The following MYO1B variants were observed in gnomAD, a reference collection of about 807,000 sequenced individuals.
MYO1B encodes myosin IB.
MYO1B carries 72 observed loss-of-function variants against 159.7 expected under a neutral mutation model. That is an observed-to-expected ratio of 0.45 (90% confidence interval 0.37 to 0.55). MYO1B has a LOEUF of 0.55. Ranked by LOEUF, MYO1B falls within the 20% of genes least tolerant of loss-of-function variation. The pLI, the probability that MYO1B is intolerant of heterozygous loss-of-function variation, is 0.00. For missense variants in MYO1B, 1,062 were observed against 1,364.8 expected (o/e 0.78, Z 3.50); for synonymous variants, 468 against 473.8 (o/e 0.99, Z 0.16).
chr2:191,264,931 G>T (rs115553436), intron 1 of MYO1B, among the ~76,000 whole-genome samples: 2,749 of 152,066 alleles, frequency 0.018, 39 homozygotes, highest in Middle Eastern at 0.034. Context: ...GGAAACTGAG[G>T]CTTGAAGGTG....
At chr2:191,328,511 T>C (rs371602383) in intron 3 of MYO1B, among the ~76,000 whole-genome samples, 1 of 152,244 alleles carries the variant, frequency 6.6e-6, no homozygotes, top group African/African-American at 2.4e-5. Context: ...AGTTATGCCT[T>C]TGCTTTGTGC....
At chr2:191,336,490 A>G (rs534896430) in intron 4 of MYO1B, among the ~76,000 whole-genome samples, 1 of 152,306 alleles carries the variant, frequency 6.6e-6, no homozygotes, top group South Asian at 2.1e-4. Flanking sequence ...TGTGTTTAAT[A>G]TAAATTATCA....
intron 3 of MYO1B, among the ~76,000 whole-genome samples, chr2:191,309,497 A>T (rs1689862694): frequency 6.6e-6 from 1 of 152,132 alleles, no homozygotes; most frequent in African/African-American, 2.4e-5. Context: ...TCTTTTTTAA[A>T]GATCTCCATC....
intron 2 of MYO1B, among the ~76,000 whole-genome samples, chr2:191,294,484 G>A (rs1005863291): frequency 1.3e-5 from 2 of 152,128 alleles, no homozygotes; most frequent in Non-Finnish European, 2.9e-5. Flanking sequence ...GTATTAGCTG[G>A]AAGCTATTCA....
chr2:191,420,314 A>G lies in MYO1B; in HGVS notation c.3288-3523A>G, dbSNP rs146583051. Among the ~76,000 whole-genome samples the G allele has an allele frequency of 2.5e-3, 382 of 152,370 alleles. 1 individual carries two copies. Among genetic ancestry groups the G allele is most frequent in the South Asian group, 3.5e-3 (17 of 4,820 alleles). On this transcript the variant is annotated intron_variant, in intron 30 of 30. Transcript: ENST00000392318. ...ATTGAAGAAAGAAAAAATTACCTAT[A>G]AAGTATACCGTAATGTAATGTCCTA...
chr2:191,325,679 G>C (rs1456941127), intron 3 of MYO1B, among the ~76,000 whole-genome samples: 2 of 152,154 alleles, frequency 1.3e-5, no homozygotes, highest in Non-Finnish European at 1.5e-5. Flanking sequence ...TGGCAGGGTA[G>C]AGAACATGGA....
intron 15 of MYO1B, among the ~76,000 whole-genome samples, chr2:191,385,027 C>T (rs78248343): frequency 0.01 from 1,544 of 152,208 alleles, 61 homozygotes; most frequent in Admixed American, 0.076. Flanking sequence ...GGGAGAGGAA[C>T]AGAGGACTTT....
At chr2:191,379,388 C>T (rs1694911827) in intron 13 of MYO1B, 1 of 152,648 alleles carries the variant, frequency 6.6e-6, no homozygotes, top group Non-Finnish European at 1.5e-5. Context: ...ATATAAAATA[C>T]AGAATCCATA....
At chr2:191,299,471 T>A (rs1159029526) in intron 3 of MYO1B, among the ~76,000 whole-genome samples, 1 of 152,178 alleles carries the variant, frequency 6.6e-6, no homozygotes, top group Non-Finnish European at 1.5e-5. Flanking sequence ...TAGAATTCTG[T>A]GCCTTCTGCC....
intron 1 of MYO1B, among the ~76,000 whole-genome samples, chr2:191,253,127 T>C (rs1285520964): frequency 6.6e-6 from 1 of 151,950 alleles, no homozygotes; most frequent in Non-Finnish European, 1.5e-5. Flanking sequence ...GTAAAAAGGG[T>C]TCCTTGGCCA....
intron 11 of MYO1B, among the ~76,000 whole-genome samples, chr2:191,366,734 C>T (rs1422283785): frequency 4.6e-5 from 7 of 152,070 alleles, no homozygotes; most frequent in Admixed American, 1.3e-4. Context: ...GCCTCTGCTC[C>T]GACCTGCCTA....
In MYO1B at chr2:191,403,418, T is replaced by G. The variant is rs531117169; in HGVS notation, c.2556+700T>G. ...CTCTGAGAAGCCCTTAGAATATTCTTTACACCATGTAAGGATCTGATCTTC... is the reference window on the plus strand; with the variant it reads ...CTCTGAGAAGCCCTTAGAATATTCTGTACACCATGTAAGGATCTGATCTTC... On this transcript the variant is annotated intron_variant, in intron 24 of 30. Transcript: ENST00000392318. Among the ~76,000 whole-genome samples the G allele has an allele frequency of 2.0e-5, 3 of 152,296 alleles. No homozygotes were observed. The East Asian group carries it at 5.8e-4, about 29-fold the overall frequency.
At chr2:191,368,446 T>C (rs1694150433) in intron 11 of MYO1B, among the ~76,000 whole-genome samples, 1 of 152,160 alleles carries the variant, frequency 6.6e-6, no homozygotes, top group African/African-American at 2.4e-5. Flanking sequence ...TCATTAGTAC[T>C]TACTTACTGT....
intron 1 of MYO1B, chr2:191,263,434 CATTTAA>C: frequency 1.6e-6 from 1 of 642,670 alleles, no homozygotes; most frequent in Non-Finnish European, 1.9e-6. Flanking sequence ...ATAATTTTGT[CATTTAA>C]AAAGAACTCT....
intron 3 of MYO1B, among the ~76,000 whole-genome samples, chr2:191,317,884 T>A (rs1023503344): frequency 1.3e-5 from 2 of 152,250 alleles, no homozygotes; most frequent in African/African-American, 4.8e-5. Flanking sequence ...AACATTTTAT[T>A]TCATTTCCTC....
intron 19 of MYO1B, 95 bp downstream of exon 19, chr2:191,392,296 C>T: frequency 2.4e-6 from 2 of 848,786 alleles, no homozygotes; most frequent in East Asian, 5.1e-5. Flanking sequence ...ATATGAGGGG[C>T]CACCATGAAT....
At chr2:191,408,511 G>T (rs182009658) in intron 25 of MYO1B, among the ~76,000 whole-genome samples, 69 of 152,250 alleles carry the variant, frequency 4.5e-4, no homozygotes, top group Non-Finnish European at 8.2e-4. Flanking sequence ...ATGAGCTGTG[G>T]CAGGGCAAGG....
At chr2:191,297,882 T>G (rs1266936682) in intron 3 of MYO1B, among the ~76,000 whole-genome samples, 1 of 152,198 alleles carries the variant, frequency 6.6e-6, no homozygotes, top group Non-Finnish European at 1.5e-5. Flanking sequence ...GGGATGCTGC[T>G]AAGCACCCTT....
intron 12 of MYO1B, among the ~76,000 whole-genome samples, chr2:191,369,876 C>T (rs554934889): frequency 1.3e-5 from 2 of 152,222 alleles, no homozygotes; most frequent in African/African-American, 4.8e-5. Context: ...TGGGAGTCGG[C>T]GTCCCAGGTT....
Sources: gnomAD v4.1 joint callset for allele counts (sites outside exome capture counted in the v4.1 genomes callset) on GRCh38, gnomAD v4.1.1 for gene constraint, MANE v1.5 for transcripts, NCBI Gene and HGNC (gene_info 2026-07-23, HGNC 2026-07-21) for gene names.